Variants in PIR observed in about 807,000 individuals in gnomAD.
The protein encoded by PIR is pirin.
PIR carries 22 observed loss-of-function variants against 24.2 expected under a neutral mutation model. The ratio of observed to expected loss-of-function variants is 0.91; its 90% CI spans 0.65 to 1.30. The LOEUF is 1.30. Ranked by LOEUF, PIR falls within the 50% of genes most tolerant of loss-of-function variation. The pLI, the probability that PIR is intolerant of heterozygous loss-of-function variation, is 0.00. For synonymous variants in PIR, 80 were observed against 79.6 expected, an observed-to-expected ratio of 1.00 and a Z score of -0.03; for missense variants, 220 against 220.3, an observed-to-expected ratio of 1.00 and a Z score of 0.01.
At chrX:15,479,430 T>C (rs1922382957) in intron 3 of PIR, among the ~76,000 whole-genome samples, 1 of 110,226 alleles carries the variant, frequency 9.1e-6, no homozygotes, top group Non-Finnish European at 1.9e-5. Flanking sequence ...GTTTTCTATA[T>C]AAAAAAGTAT....
chrX:15,401,003 C>T (rs1009802739), intron 7 of PIR, among the ~76,000 whole-genome samples: 1 of 109,888 alleles, frequency 9.1e-6, no homozygotes, highest in African/African-American at 3.3e-5. Flanking sequence ...TCCCAAAGTG[C>T]TGGGATTACA....
At chrX:15,454,062 A>G (rs967380829) in intron 5 of PIR, among the ~76,000 whole-genome samples, 2 of 111,766 alleles carry the variant, frequency 1.8e-5, no homozygotes, top group South Asian at 3.8e-4. Flanking sequence ...TCCTGGAAAC[A>G]GGGAAGGAAA....
intron 9 of PIR, among the ~76,000 whole-genome samples, chrX:15,387,659 G>C (rs1923819295): frequency 9.0e-6 from 1 of 111,635 alleles, no homozygotes; most frequent in African/African-American, 3.3e-5. Flanking sequence ...TGGAAGATGG[G>C]AGCAGGTACT....
chrX:15,398,985 G>A (rs2147006196), intron 7 of PIR, among the ~76,000 whole-genome samples: 1 of 111,786 alleles, frequency 8.9e-6, no homozygotes, highest in South Asian at 3.7e-4. Context: ...GTAGTGACTT[G>A]AAGATTGCAA....
At chrX:15,414,148 C>T (rs1315837629) in intron 6 of PIR, among the ~76,000 whole-genome samples, 1 of 112,126 alleles carries the variant, frequency 8.9e-6, no homozygotes, top group Non-Finnish European at 1.9e-5. Flanking sequence ...CTTGCTAATA[C>T]AATAGTACTA....
intron 3 of PIR, among the ~76,000 whole-genome samples, chrX:15,464,977 GGTGA>G (rs762665621): frequency 1.8e-5 from 2 of 112,059 alleles, no homozygotes; most frequent in African/African-American, 3.2e-5. Flanking sequence ...AGTAAATTGT[GGTGA>G]GTATGACTCA....
chrX:15,395,901 G>T (rs1263731999), intron 8 of PIR, among the ~76,000 whole-genome samples: 4 of 112,061 alleles, frequency 3.6e-5, no homozygotes. Flanking sequence ...TGCCACTGGA[G>T]CCAGGAGTGC....
chrX:15,390,899 C>T (rs373887737), intron 8 of PIR, among the ~76,000 whole-genome samples: 3 of 111,408 alleles, frequency 2.7e-5, no homozygotes, highest in Non-Finnish European at 3.8e-5. Context: ...TTTCATATAT[C>T]GTTTGGGAGA....
At chrX:15,440,514 C>T (rs1925879994) in intron 5 of PIR, among the ~76,000 whole-genome samples, 1 of 110,604 alleles carries the variant, frequency 9.0e-6, no homozygotes, top group East Asian at 2.8e-4. Context: ...GGGGCATACC[C>T]TATATTCAGT....
chrX:15,443,413 C>G (rs1005644535), intron 5 of PIR, among the ~76,000 whole-genome samples: 1 of 111,305 alleles, frequency 9.0e-6, no homozygotes, highest in Non-Finnish European at 1.9e-5. Flanking sequence ...CACTTAGCAG[C>G]CCATGAATCA....
Position 15,461,715 on chromosome X carries a change from A to G in PIR, c.190-1975T>C, listed in dbSNP as rs148933876. The stretch of plus-strand genomic sequence containing the variant: ...GGAGAATCACTTCAACTCGGGAGGC[A>G]GAGGTTGCAGTGAGCCGAGATCGCA... On this transcript the variant is annotated intron_variant, in intron 3 of 9. Transcript: ENST00000380420. Among the ~76,000 whole-genome samples the G allele has an allele frequency of 1.7e-3, 190 of 112,264 alleles. 2 individuals carry two copies. The East Asian group carries it at 0.042, about 25-fold the overall frequency.
intron 2 of PIR, among the ~76,000 whole-genome samples, chrX:15,485,175 T>C (rs1036449936): frequency 1.8e-5 from 2 of 112,360 alleles, no homozygotes; most frequent in African/African-American, 3.2e-5. Context: ...TGCTATAACA[T>C]AATACTATAA....
At chrX:15,492,021 G>C (rs755744494) in intron 1 of PIR, among the ~76,000 whole-genome samples, 1 of 108,854 alleles carries the variant, frequency 9.2e-6, no homozygotes, top group Admixed American at 9.7e-5. Flanking sequence ...GAATTCTCTC[G>C]ATCTCCCACC....
At chrX:15,445,134 C>T (rs775477475) in intron 5 of PIR, among the ~76,000 whole-genome samples, 2 of 110,856 alleles carry the variant, frequency 1.8e-5, no homozygotes, top group South Asian at 7.7e-4. Context: ...TCTTAGAGCC[C>T]AGAGATGAGA....
At chrX:15,464,620 T>A (rs901485610) in intron 3 of PIR, among the ~76,000 whole-genome samples, 3 of 111,964 alleles carry the variant, frequency 2.7e-5, no homozygotes, top group African/African-American at 9.7e-5. Context: ...CTGCATTTTT[T>A]ATAGAGAGCG....
intron 6 of PIR, among the ~76,000 whole-genome samples, chrX:15,421,265 C>G (rs981314727): frequency 3.6e-5 from 4 of 111,047 alleles, no homozygotes; most frequent in African/African-American, 1.3e-4. Flanking sequence ...AGAATGGAAT[C>G]CAAAATTAGT....
chrX:15,473,704 C>T (rs895076237), intron 3 of PIR, among the ~76,000 whole-genome samples: 1 of 111,025 alleles, frequency 9.0e-6, no homozygotes, highest in African/African-American at 3.3e-5. Context: ...TTACAGGCGC[C>T]TGCCACCACA....
At chrX:15,389,477 G>C (rs1923884783) in intron 9 of PIR, among the ~76,000 whole-genome samples, 1 of 112,002 alleles carries the variant, frequency 8.9e-6, no homozygotes, top group Admixed American at 9.5e-5. Flanking sequence ...GAAATGCAAT[G>C]GGATTTTAAT....
Position 15,403,150 on chromosome X carries a change from C to T in PIR, c.610+4356G>A, listed in dbSNP as rs1281282420. 1.7e-4 allele frequency among the ~76,000 whole-genome samples: 19 copies of T among 111,468 alleles called. No homozygotes were observed. The Admixed American group carries it at 1.8e-3, about 11-fold the overall frequency. On this transcript the variant is annotated intron_variant, in intron 7 of 9. Coordinates refer to ENST00000380420, the MANE Select transcript of PIR (RefSeq NM_001018109.3). ...GTCAATTATGAGGCCTGCTGGTGCA[C>T]ATTTGTGTTTCCCCGCCTTTACTGC...
Sources: gnomAD v4.1 joint callset for allele counts (sites outside exome capture counted in the v4.1 genomes callset) on GRCh38, gnomAD v4.1.1 for gene constraint, MANE v1.5 for transcripts, NCBI Gene and HGNC (gene_info 2026-07-23, HGNC 2026-07-21) for gene names.